MAGOH: variants seen among roughly 807,000 people sequenced by gnomAD.
MAGOH encodes the protein mago homolog, exon junction complex subunit.
In MAGOH, 3 loss-of-function variants were observed where a neutral mutation model predicts 20.9. That is an observed-to-expected ratio of 0.14 (90% CI 0.07 to 0.37). MAGOH has a LOEUF of 0.37. MAGOH is among the 10% of genes least tolerant of loss of function. The pLI, the probability that MAGOH is intolerant of heterozygous loss-of-function variation, is 1.00. For missense variants in MAGOH, 66 were observed against 178.1 expected (o/e 0.37, Z 3.58); for synonymous variants, 51 against 61.0 (o/e 0.84, Z 0.76).
intron 3 of MAGOH, among the ~76,000 whole-genome samples, chr1:53,232,863 G>C (rs1465739737): frequency 6.6e-6 from 1 of 152,256 alleles, no homozygotes; most frequent in African/African-American, 2.4e-5. Flanking sequence ...CACTTTGGGA[G>C]GGTAAGGCAG....
intron 3 of MAGOH, among the ~76,000 whole-genome samples, chr1:53,232,170 ATAAAT>A (rs1241333209): frequency 3.9e-5 from 6 of 152,212 alleles, no homozygotes; most frequent in Admixed American, 3.3e-4. Context: ...TCCCTTGAAC[ATAAAT>A]TAAAGTTAAC....
intron 3 of MAGOH, among the ~76,000 whole-genome samples, chr1:53,230,139 G>A (rs1487227894): frequency 6.6e-6 from 1 of 152,138 alleles, no homozygotes; most frequent in Non-Finnish European, 1.5e-5. Context: ...GTAAAACCAA[G>A]CAAACCAAAG....
At chr1:53,233,985 C>T in intron 2 of MAGOH, 1 of 217,602 alleles carries the variant, frequency 4.6e-6, no homozygotes. Context: ...TTTTTGTCTC[C>T]TCCAAAAAAA....
In MAGOH at chr1:53,232,063, C is replaced by T. The variant is rs72673134; in HGVS notation, c.258+1479G>A. 4.0e-3 allele frequency among the ~76,000 whole-genome samples: 613 copies of T among 152,198 alleles called. 4 individuals are homozygous for T. Among genetic ancestry groups the T allele is most frequent in the Non-Finnish European group, 5.9e-3 (402 of 67,994 alleles). On this transcript the variant is annotated intron_variant, in intron 3 of 4. Transcript: ENST00000371470. ...TGCTGGTACAAAGGAATATGCCCTTCCCTCTTTACAGAATTGTTGTGATGG... is the reference window on the plus strand; with the variant it reads ...TGCTGGTACAAAGGAATATGCCCTTTCCTCTTTACAGAATTGTTGTGATGG...
intron 3 of MAGOH, among the ~76,000 whole-genome samples, chr1:53,232,094 C>T (rs1405667371): frequency 1.3e-5 from 2 of 151,792 alleles, no homozygotes; most frequent in Non-Finnish European, 2.9e-5. Context: ...GATGGTAGAA[C>T]GAGTTAATAG....
At chr1:53,236,708 C>T (rs1392199743) in intron 1 of MAGOH, among the ~76,000 whole-genome samples, 1 of 152,200 alleles carries the variant, frequency 6.6e-6, no homozygotes, top group African/African-American at 2.4e-5. Flanking sequence ...TTTACCACAA[C>T]ACCTAATGTG....
chr1:53,230,184 C>T (rs2100302831), intron 3 of MAGOH, among the ~76,000 whole-genome samples: 1 of 152,212 alleles, frequency 6.6e-6, no homozygotes, highest in South Asian at 2.1e-4. Context: ...TCTTGTGAGG[C>T]CTATTTACTT....
intron 3 of MAGOH, among the ~76,000 whole-genome samples, chr1:53,231,750 G>A (rs1182805366): frequency 6.6e-6 from 1 of 151,976 alleles, no homozygotes; most frequent in Non-Finnish European, 1.5e-5. Flanking sequence ...GGCTACTCTT[G>A]CCTCTGATTT....
chr1:53,227,015 C>A lies in MAGOH; in HGVS notation c.*30G>T. On this transcript the variant is annotated 3_prime_UTR_variant, in exon 5 of 5. Coordinates refer to ENST00000371470, the MANE Select transcript of MAGOH (RefSeq NM_002370.4). ...TATACACAAAATTTTCTACTCCCAC[C>A]CACCCCCCATGTCCACACCAATATT... 9.8e-7 allele frequency: 1 copy of A among 1,016,122 alleles called. No homozygotes were observed. Among genetic ancestry groups the A allele is most frequent in the South Asian group, 1.5e-5 (1 of 65,278 alleles). The allele number at this position is 1,016,122 out of a possible 1,614,324, so 62.9% of individuals were successfully genotyped here.
At chr1:53,227,549 T>A (rs1166675279) in intron 4 of MAGOH, among the ~76,000 whole-genome samples, 1 of 152,174 alleles carries the variant, frequency 6.6e-6, no homozygotes, top group East Asian at 1.9e-4. Context: ...TTGTTTTGTT[T>A]TGTTTTTTGA....
chr1:53,228,639 T>C (rs1306326085), intron 4 of MAGOH, among the ~76,000 whole-genome samples: 2 of 152,158 alleles, frequency 1.3e-5, no homozygotes, highest in South Asian at 2.1e-4. Context: ...TTAATCTATA[T>C]GTGTGTGTCA....
intron 1 of MAGOH, among the ~76,000 whole-genome samples, chr1:53,237,427 C>A (rs1645617541): frequency 6.6e-6 from 1 of 150,928 alleles, no homozygotes; most frequent in Non-Finnish European, 1.5e-5. Context: ...GTAATCCCAG[C>A]ACTTTGGGAC....
intron 1 of MAGOH, 21 bp downstream of exon 1, chr1:53,238,340 C>A (rs757258002): frequency 4.3e-6 from 7 of 1,613,452 alleles, no homozygotes; most frequent in Admixed American, 1.7e-5. Flanking sequence ...CCGCTCCCGG[C>A]GGGCGGCAGG....
Position 53,235,652 on chromosome 1 carries a change from C to G in MAGOH, c.89-17G>C. ...TTAACTTCCCTGTGGGGGCAAAAAA[C>G]AATTTCAACGTATAATAAAAACATA... On this transcript the variant is annotated splice_polypyrimidine_tract_variant and intron_variant, in intron 1 of 4. Coordinates refer to ENST00000371470, the MANE Select transcript of MAGOH (RefSeq NM_002370.4). 1 of 1,603,824 alleles carries G rather than the reference C, an allele frequency of 6.2e-7. No individual in the cohort carries two copies. Among genetic ancestry groups the G allele is most frequent in the Non-Finnish European group, 8.5e-7 (1 of 1,171,426 alleles).
At chr1:53,238,306 C>G in intron 1 of MAGOH, 55 bp downstream of exon 1, 3 of 1,559,738 alleles carry the variant, frequency 1.9e-6, no homozygotes. Context: ...GGCCTCCCCA[C>G]TCGCCGGCCC....
intron 3 of MAGOH, 106 bp from the exon 4 acceptor site, chr1:53,229,060 C>G: frequency 1.3e-6 from 1 of 743,652 alleles, no homozygotes; most frequent in Non-Finnish European, 2.4e-6. Flanking sequence ...TACAGATGGC[C>G]ACAAAAACAA....
chr1:53,233,470 T>C, intron 3 of MAGOH, 72 bp downstream of exon 3: 4 of 1,000,662 alleles, frequency 4.0e-6, no homozygotes, highest in Non-Finnish European at 6.2e-6. Flanking sequence ...ACAAAAGCTT[T>C]AAGTGGAGGA....
intron 4 of MAGOH, among the ~76,000 whole-genome samples, chr1:53,227,975 C>T: frequency 6.6e-6 from 1 of 152,140 alleles, no homozygotes; most frequent in Non-Finnish European, 1.5e-5. Flanking sequence ...GTGAGCCGTA[C>T]CTAATCCTGA....
chr1:53,230,449 A>G (rs1407953156), intron 3 of MAGOH, among the ~76,000 whole-genome samples: 3 of 152,050 alleles, frequency 2.0e-5, no homozygotes, highest in Admixed American at 1.3e-4. Flanking sequence ...ACAGGATCTC[A>G]CTCTGTCACT....
Sources: allele counts gnomAD v4.1 joint callset (sites outside exome capture counted in the v4.1 genomes callset), GRCh38; gene constraint gnomAD v4.1.1; transcripts MANE v1.5; gene names NCBI Gene and HGNC (gene_info 2026-07-23, HGNC 2026-07-21).